The following PTPRT variants were observed in gnomAD, a reference collection of about 807,000 sequenced individuals.
PTPRT encodes protein tyrosine phosphatase receptor type T.
PTPRT carries 56 observed loss-of-function variants against 176.8 expected under a neutral mutation model. That is an observed-to-expected ratio of 0.32 (90% CI 0.26 to 0.40). The LOEUF is 0.40. Among genes scored for constraint, PTPRT ranks in the 10% least tolerant of loss-of-function variants. The probability of loss-of-function intolerance (pLI) is 1.00; values close to 1 mark genes in which losing one functional copy is unlikely to be tolerated. For synonymous variants in PTPRT, 783 were observed against 739.0 expected (o/e 1.06, Z -0.96); for missense variants, 1,540 against 1,908.2 (o/e 0.81, Z 3.60).
intron 1 of PTPRT, among the ~76,000 whole-genome samples, chr20:42,980,314 CAT>C (rs912841392): frequency 4.6e-5 from 7 of 152,158 alleles, no homozygotes; most frequent in Admixed American, 3.3e-4. Context: ...GGGGTACAAA[CAT>C]AGATCCAACA....
At chr20:42,418,665 A>G (rs1293672967) in intron 9 of PTPRT, among the ~76,000 whole-genome samples, 1 of 152,172 alleles carries the variant, frequency 6.6e-6, no homozygotes, top group Non-Finnish European at 1.5e-5. Context: ...ACCTGGACAC[A>G]AAGATGGGTT....
chr20:42,523,105 C>G (rs143345117), intron 7 of PTPRT, among the ~76,000 whole-genome samples: 67 of 152,260 alleles, frequency 4.4e-4, no homozygotes, highest in African/African-American at 1.4e-3. Flanking sequence ...ACTGTTGACC[C>G]CTTGTTTTTA....
chr20:42,600,767 G>A (rs1211219571), intron 7 of PTPRT, among the ~76,000 whole-genome samples: 1 of 152,136 alleles, frequency 6.6e-6, no homozygotes, highest in East Asian at 1.9e-4. Context: ...TTCCAACCAT[G>A]TTGTTGCAAA....
chr20:42,512,065 T>G (rs575669553), intron 7 of PTPRT, among the ~76,000 whole-genome samples: 1 of 152,308 alleles, frequency 6.6e-6, no homozygotes, highest in South Asian at 2.1e-4. Flanking sequence ...ATAGCAATTT[T>G]GGATGCAACC....
At chr20:42,923,212 C>T (rs1343299436) in intron 1 of PTPRT, among the ~76,000 whole-genome samples, 5 of 152,178 alleles carry the variant, frequency 3.3e-5, no homozygotes, top group Non-Finnish European at 7.3e-5. Flanking sequence ...CTTCCAAGGA[C>T]TTCTGGGTTC....
At chr20:42,153,388 C>T (rs1989217003) in intron 17 of PTPRT, among the ~76,000 whole-genome samples, 1 of 152,094 alleles carries the variant, frequency 6.6e-6, no homozygotes, top group African/African-American at 2.4e-5. Flanking sequence ...AGGGAAGAGT[C>T]TTGCCCAAGA....
chr20:42,846,876 T>C (rs2078382241), intron 2 of PTPRT, among the ~76,000 whole-genome samples: 1 of 152,202 alleles, frequency 6.6e-6, no homozygotes, highest in African/African-American at 2.4e-5. Context: ...TCAATGGAAG[T>C]AGGTACCCTA....
intron 7 of PTPRT, among the ~76,000 whole-genome samples, chr20:42,657,722 C>T (rs1390897395): frequency 6.6e-6 from 1 of 152,132 alleles, no homozygotes; most frequent in East Asian, 1.9e-4. Flanking sequence ...CATAGATATG[C>T]AAATGGTTCC....
intron 16 of PTPRT, among the ~76,000 whole-genome samples, chr20:42,166,549 T>C (rs894131590): frequency 1.3e-5 from 2 of 152,238 alleles, no homozygotes; most frequent in Non-Finnish European, 2.9e-5. Flanking sequence ...TTATGAATGA[T>C]AGTGCAACAT....
intron 1 of PTPRT, among the ~76,000 whole-genome samples, chr20:42,944,907 T>C (rs962601628): frequency 6.6e-6 from 1 of 152,072 alleles, no homozygotes; most frequent in Non-Finnish European, 1.5e-5. Flanking sequence ...CGGTGTTTGT[T>C]CCCTGTGCCT....
intron 2 of PTPRT, among the ~76,000 whole-genome samples, chr20:42,872,965 C>T (rs1391338646): frequency 2.6e-5 from 4 of 152,182 alleles, no homozygotes; most frequent in Non-Finnish European, 5.9e-5. Context: ...AATGCCTACC[C>T]AATTCCACCA....
intron 7 of PTPRT, among the ~76,000 whole-genome samples, chr20:42,638,352 G>A (rs745338276): frequency 1.3e-5 from 2 of 152,060 alleles, no homozygotes; most frequent in Non-Finnish European, 2.9e-5. Flanking sequence ...CCCTGCCTGA[G>A]CGGTCGAAAC....
chr20:42,281,520 A>G (rs559968437), intron 13 of PTPRT, among the ~76,000 whole-genome samples: 13 of 146,642 alleles, frequency 8.9e-5, no homozygotes, highest in South Asian at 4.4e-4. Flanking sequence ...TTTTCTCCCC[A>G]CTCTGCCCGT....
intron 8 of PTPRT, among the ~76,000 whole-genome samples, chr20:42,451,763 G>A (rs930692046): frequency 2.6e-5 from 4 of 152,082 alleles, no homozygotes; most frequent in Non-Finnish European, 5.9e-5. Context: ...AAGGTGACTC[G>A]TGAGCCAAGC....
At chr20:43,020,427 G>C (rs1241926538) in intron 1 of PTPRT, among the ~76,000 whole-genome samples, 1 of 152,000 alleles carries the variant, frequency 6.6e-6, no homozygotes, top group East Asian at 1.9e-4. Context: ...GCATGCATCA[G>C]GGAAAGGGAG....
At chr20:42,261,845 G>C (rs962249430) in intron 13 of PTPRT, among the ~76,000 whole-genome samples, 6 of 152,170 alleles carry the variant, frequency 3.9e-5, no homozygotes, top group Admixed American at 1.3e-4. Flanking sequence ...GCAAGAAAGG[G>C]GAGGAGAAGC....
At position 42,473,408 on chromosome 20, in the gene PTPRT, TG is replaced by T. The variant is rs527693519; in HGVS notation, c.1154-847del. Among the ~76,000 whole-genome samples the T allele has an allele frequency of 3.0e-3, 460 of 152,320 alleles. 1 individual carries two copies. Among genetic ancestry groups the T allele is most frequent in the Non-Finnish European group, 4.7e-3 (323 of 68,026 alleles). On this transcript the variant is annotated intron_variant, in intron 7 of 30. Transcript: ENST00000373187. ...ATAAAACAGGTTATAATAAACATGA[TG>T]TTTTTCAAAAATCCTCACATGTAAA...
chr20:42,924,557 AT>A (rs1477116246), intron 1 of PTPRT, among the ~76,000 whole-genome samples: 8 of 152,212 alleles, frequency 5.3e-5, no homozygotes, highest in African/African-American at 1.9e-4. Context: ...CTCTGCCATG[AT>A]GGCTTAAGCG....
At chr20:42,276,624 G>A (rs931933428) in intron 13 of PTPRT, among the ~76,000 whole-genome samples, 2 of 141,354 alleles carry the variant, frequency 1.4e-5, no homozygotes, top group African/African-American at 5.2e-5. Flanking sequence ...GGACAGATTC[G>A]TAGATTTTAA....
Sources: allele counts gnomAD v4.1 joint callset (sites outside exome capture counted in the v4.1 genomes callset), GRCh38; gene constraint gnomAD v4.1.1; transcripts MANE v1.5; gene names NCBI Gene and HGNC (gene_info 2026-07-23, HGNC 2026-07-21).